Variants in BAZ2B observed in about 807,000 individuals in gnomAD.
The protein encoded by BAZ2B is bromodomain adjacent to zinc finger domain 2B.
A neutral mutation model predicts 246.0 loss-of-function variants in BAZ2B; 91 were observed. The observed-to-expected ratio is 0.37, with a 90% CI of 0.31 to 0.44. The LOEUF is 0.44. Among genes scored for constraint, BAZ2B ranks in the 20% least tolerant of loss-of-function variants. The pLI, the probability that BAZ2B is intolerant of heterozygous loss-of-function variation, is 1.00. For missense variants in BAZ2B, 2,332 were observed against 2,533.7 expected, an observed-to-expected ratio of 0.92 and a Z score of 1.71; for synonymous variants, 855 against 860.0, an observed-to-expected ratio of 0.99 and a Z score of 0.10.
chr2:159,568,093 C>T (rs540820531), intron 1 of BAZ2B, among the ~76,000 whole-genome samples: 25 of 152,282 alleles, frequency 1.6e-4, no homozygotes, highest in African/African-American at 5.5e-4. Context: ...GTTGTGGAAC[C>T]ATAACCACTA....
At chr2:159,630,367 C>CA in the BAZ2B span, among the ~76,000 whole-genome samples, 1 of 151,900 alleles carries the variant, frequency 6.6e-6, no homozygotes, top group Non-Finnish European at 1.5e-5. Flanking sequence ...AAGTGAAACC[C>CA]AAAAAAATAA....
At chr2:159,553,504 T>TAGGAAATGAGAAGCCACCACACATTTTCA (rs1578318611) in intron 2 of BAZ2B, among the ~76,000 whole-genome samples, 1 of 149,048 alleles carries the variant, frequency 6.7e-6, no homozygotes, top group East Asian at 2.0e-4. Context: ...TTTGATCACA[T>TAGGAAATGAGAAGCCACCACACATTTTCA]AGGAAATGAG....
intron 3 of BAZ2B, among the ~76,000 whole-genome samples, chr2:159,468,434 G>T (rs1362107478): frequency 6.6e-6 from 1 of 152,300 alleles, no homozygotes; most frequent in South Asian, 2.1e-4. Context: ...ACCCAGAGGA[G>T]TCTAGCATGA....
At chr2:159,352,290 A>G (rs1465582949) in intron 27 of BAZ2B, among the ~76,000 whole-genome samples, 1 of 152,104 alleles carries the variant, frequency 6.6e-6, no homozygotes, top group Admixed American at 6.6e-5. Context: ...AATAAACGTT[A>G]TTTCCTTACG....
chr2:159,563,590 G>A (rs2090083900), intron 1 of BAZ2B, among the ~76,000 whole-genome samples: 1 of 152,104 alleles, frequency 6.6e-6, no homozygotes, highest in African/African-American at 2.4e-5. Context: ...AATACAATAT[G>A]ATTCTACACA....
In BAZ2B at chr2:159,540,832, T is replaced by A. The variant is rs146013903; in HGVS notation, c.-3+14991A>T. Among the ~76,000 whole-genome samples the A allele has an allele frequency of 2.9e-3, 444 of 152,316 alleles. 4 individuals carry two copies. The highest frequency in any genetic ancestry group is 4.5e-3 in the Non-Finnish European group (304 of 68,020). On this transcript the variant is annotated intron_variant, in intron 2 of 36. Coordinates refer to ENST00000392783, the MANE Select transcript of BAZ2B (RefSeq NM_013450.4). ...TGAAAAGTAGAAGAAATCATAAGAA[T>A]AGATCAAACCTATCTTTATTCTAAT...
intron 1 of BAZ2B, among the ~76,000 whole-genome samples, chr2:159,604,733 A>C (rs1692995813): frequency 6.6e-6 from 1 of 152,212 alleles, no homozygotes; most frequent in African/African-American, 2.4e-5. Context: ...TATGGTATAG[A>C]TAAATGTTGA....
intron 2 of BAZ2B, among the ~76,000 whole-genome samples, chr2:159,495,276 G>A (rs1358883514): frequency 6.6e-6 from 1 of 151,274 alleles, no homozygotes; most frequent in African/African-American, 2.4e-5. Flanking sequence ...ACGAGGTCAG[G>A]AGATCGAGAC....
the BAZ2B span, among the ~76,000 whole-genome samples, chr2:159,670,064 G>C: frequency 1.3e-5 from 2 of 151,834 alleles, no homozygotes; most frequent in Non-Finnish European, 2.9e-5. Flanking sequence ...TCCGCCTCCC[G>C]GGTTCAAGTG....
intron 17 of BAZ2B, 92 bp from the exon 18 acceptor site, chr2:159,398,986 A>T: frequency 8.2e-7 from 1 of 1,220,626 alleles, no homozygotes; most frequent in Non-Finnish European, 1.2e-6. Context: ...CATGTCTCAC[A>T]AGGTACGAAA....
the BAZ2B span, among the ~76,000 whole-genome samples, chr2:159,634,932 T>C: frequency 1.3e-5 from 2 of 152,202 alleles, no homozygotes; most frequent in Admixed American, 1.3e-4. Flanking sequence ...AGGCGAATTA[T>C]CTTTGGAGAA....
Position 159,438,524 on chromosome 2 carries a change from A to G in BAZ2B, c.1072T>C (p.Phe358Leu). ...QVLSQQLPFI[F>L]QSSQAKEESV... ...TCCTCCTTTGCCTGAGAGCTTTGGA[A>G]AATAAATGGAAGCTGCTGTGACAAA... The change falls in exon 8 of 37, where the codon TTC (phenylalanine) becomes CTC (leucine). Residue 358 changes from phenylalanine (F) to leucine (L), a missense_variant. Around this residue, in one of 9 missense-constraint regions of BAZ2B, gnomAD observed 161 missense variants for 225.8 expected, o/e 0.71. Transcript: ENST00000392783. 1 of 1,614,160 alleles carries G rather than the reference A, an allele frequency of 6.2e-7. No homozygotes were observed. Among genetic ancestry groups the G allele is most frequent in the Non-Finnish European group, 8.5e-7 (1 of 1,180,002 alleles).
intron 31 of BAZ2B, among the ~76,000 whole-genome samples, chr2:159,346,978 TG>T (rs1477414610): frequency 6.6e-6 from 1 of 152,178 alleles, no homozygotes; most frequent in African/African-American, 2.4e-5. Context: ...TATATCATAA[TG>T]GTCTATAACA....
intron 3 of BAZ2B, chr2:159,458,828 T>G (rs2076092984): frequency 6.6e-6 from 1 of 152,212 alleles, no homozygotes; most frequent in Non-Finnish European, 1.5e-5. Context: ...CCTTCAGTAT[T>G]TCACATGCTT....
the BAZ2B span, among the ~76,000 whole-genome samples, chr2:159,657,680 T>C: frequency 6.6e-6 from 1 of 152,232 alleles, no homozygotes; most frequent in Non-Finnish European, 1.5e-5. Flanking sequence ...GTACATACTT[T>C]GTCAGATTTA....
intron 14 of BAZ2B, among the ~76,000 whole-genome samples, chr2:159,408,639 C>T (rs1198692806): frequency 6.6e-6 from 1 of 152,096 alleles, no homozygotes; most frequent in South Asian, 2.1e-4. Flanking sequence ...AAGAAAAAGG[C>T]CGGGCGCAGC....
chr2:159,426,681 A>G (rs1239325598), intron 13 of BAZ2B, among the ~76,000 whole-genome samples: 4 of 152,180 alleles, frequency 2.6e-5, no homozygotes, highest in Admixed American at 6.6e-5. Flanking sequence ...GTCATGGACT[A>G]CAATAGAAAA....
intron 27 of BAZ2B, among the ~76,000 whole-genome samples, chr2:159,353,966 A>G (rs1202408495): frequency 6.6e-6 from 1 of 152,188 alleles, no homozygotes; most frequent in African/African-American, 2.4e-5. Flanking sequence ...AAAATTCACA[A>G]TATCTGGCAT....
rs146835563 is a variant in BAZ2B at position 159,375,102 on chromosome 2, G to A, written c.4006-349C>T. On this transcript the variant is annotated intron_variant, in intron 25 of 36. Coordinates refer to ENST00000392783, the MANE Select transcript of BAZ2B (RefSeq NM_013450.4). ...TTGTTCCTGCAGTCCCAGCTACTTG[G>A]GAGGCTGACACAGGAGGATTGGTTA... 3.8e-3 allele frequency among the ~76,000 whole-genome samples: 578 copies of A among 152,178 alleles called. 3 individuals carry two copies. The highest frequency in any genetic ancestry group is 0.013 in the African/African-American group (558 of 41,490).
Sources: gnomAD v4.1 joint callset for allele counts (sites outside exome capture counted in the v4.1 genomes callset) on GRCh38, gnomAD v4.1.1 for gene constraint, gnomAD v4.1.1 regional missense constraint, MANE v1.5 for transcripts, NCBI Gene and HGNC (gene_info 2026-07-23, HGNC 2026-07-21) for gene names.